The following VPS13D variants were observed in gnomAD, a reference collection of about 807,000 sequenced individuals.
VPS13D encodes the protein vacuolar protein sorting 13 homolog D.
A neutral mutation model predicts 461.9 loss-of-function variants in VPS13D; 187 were observed. That is an observed-to-expected ratio of 0.40 (90% CI 0.36 to 0.46). VPS13D has a LOEUF of 0.46. Among genes scored for constraint, VPS13D ranks in the 20% least tolerant of loss-of-function variants. The pLI, the probability that VPS13D is intolerant of heterozygous loss-of-function variation, is 0.60. For missense variants in VPS13D, 4,711 were observed against 5,364.9 expected (o/e 0.88, Z 3.81); for synonymous variants, 1,951 against 1,986.3 (o/e 0.98, Z 0.47).
At chr1:12,478,355 C>G (rs574553158) in intron 67 of VPS13D, among the ~76,000 whole-genome samples, 1 of 152,348 alleles carries the variant, frequency 6.6e-6, no homozygotes, top group East Asian at 1.9e-4. Context: ...TAATATGAGC[C>G]TTCGTGATGA....
chr1:12,297,041 T>C (rs1276564021), intron 24 of VPS13D, among the ~76,000 whole-genome samples: 1 of 152,252 alleles, frequency 6.6e-6, no homozygotes, highest in East Asian at 1.9e-4. Flanking sequence ...GAAGCTGATC[T>C]TCTCAAGAAT....
chr1:12,342,987 C>T lies in VPS13D; in HGVS notation c.8821C>T (p.Arg2941Ter). ...TGATACTCACAATGTTAGTGAATGG[C>T]GAGAAGTCCTTACAGGTGAAGAGAT... The part of the protein sequence containing the change: ...LDDTHNVSEW[R>*]EVLTGEEIPF... The change falls in exon 42 of 70, where the codon CGA becomes TGA. Residue 2941 changes from arginine to a stop codon, truncating the protein, a stop_gained. Transcript: ENST00000620676. LOFTEE classifies it high-confidence loss of function. 5 of 1,613,500 alleles carry T rather than the reference C, an allele frequency of 3.1e-6. No individual in the cohort carries two copies. The highest frequency in any genetic ancestry group is 4.2e-6 in the Non-Finnish European group (5 of 1,179,680).
chr1:12,314,750 C>T (rs1367368635), intron 30 of VPS13D, among the ~76,000 whole-genome samples: 1 of 152,158 alleles, frequency 6.6e-6, no homozygotes, highest in Non-Finnish European at 1.5e-5. Context: ...TCCATGTATA[C>T]ATAGTTTTTA....
In VPS13D at chr1:12,319,564, C is replaced by T. The variant is rs372623610; in HGVS notation, c.7482C>T (p.Thr2494=). The T allele has an allele frequency of 2.5e-6, 4 of 1,614,172 alleles. No individual in the cohort carries two copies. Among genetic ancestry groups the T allele is most frequent in the South Asian group, 2.2e-5 (2 of 91,084 alleles). Residue 2494 remains threonine, a synonymous_variant, in exon 32 of 70, where the codon ACC becomes ACT. Coordinates refer to ENST00000620676, the MANE Select transcript of VPS13D (RefSeq NM_015378.4). ...FDTNAIILKG[T]TVLTYKPRFV... is the part of the protein sequence containing the mutation. ...CCAATGCCATTATTCTGAAAGGCAC[C>T]ACAGTGCTCACCTATAAGCCCCGGT...
At chr1:12,442,585 C>CT (rs370449071) in intron 65 of VPS13D, among the ~76,000 whole-genome samples, 15,702 of 138,598 alleles carry the variant, frequency 0.11, 1,211 homozygotes, top group African/African-American at 0.21. Context: ...ATTTCCCTTA[C>CT]TTTTTTTTTT....
In VPS13D at chr1:12,362,740, C is replaced by T. The variant is rs1643969654; in HGVS notation, c.10162C>T (p.Arg3388Ter). 5.6e-6 allele frequency: 9 copies of T among 1,613,908 alleles called. No individual in the cohort carries two copies. The highest frequency in any genetic ancestry group is 7.6e-6 in the Non-Finnish European group (9 of 1,179,972). Reference protein sequence around the residue: ...YNIGIDVKKGRGRYIDTCMVI... With the variant: ...YNIGIDVKKG ...TGTAGGTATTGATGTCAAGAAAGGCCGAGGTCGATACATTGATACCTGCAT... is the reference window on the plus strand; with the variant it reads ...TGTAGGTATTGATGTCAAGAAAGGCTGAGGTCGATACATTGATACCTGCAT... Residue 3388 changes from arginine (R) to a stop codon, truncating the protein, a stop_gained, in exon 51 of 70, where the codon CGA (arginine) becomes TGA (stop). Coordinates refer to ENST00000620676, the MANE Select transcript of VPS13D (RefSeq NM_015378.4). LOFTEE classifies it high-confidence loss of function.
intron 50 of VPS13D, among the ~76,000 whole-genome samples, chr1:12,358,889 T>C (rs1643911733): frequency 6.6e-6 from 1 of 152,164 alleles, no homozygotes; most frequent in African/African-American, 2.4e-5. Context: ...TCCTTGTTTT[T>C]CGGGGGAATA....
chr1:12,286,816 G>A (rs1641987249), intron 21 of VPS13D, among the ~76,000 whole-genome samples: 1 of 152,148 alleles, frequency 6.6e-6, no homozygotes, highest in Admixed American at 6.5e-5. Context: ...TAGACCCAGT[G>A]TACATGTTCT....
At chr1:12,335,990 C>G (rs1307308396) in intron 39 of VPS13D, 163 bp downstream of exon 39, 29 of 958,480 alleles carry the variant, frequency 3.0e-5, no homozygotes, top group Non-Finnish European at 4.4e-5. Flanking sequence ...AGACAGTTTT[C>G]TGGCATGAAC....
At chr1:12,410,367 A>C (rs748931001) in intron 63 of VPS13D, among the ~76,000 whole-genome samples, 15 of 152,216 alleles carry the variant, frequency 9.9e-5, no homozygotes, top group South Asian at 2.1e-4. Flanking sequence ...ACTTAGATAA[A>C]GACTGAAACA....
intron 52 of VPS13D, among the ~76,000 whole-genome samples, chr1:12,366,599 G>A (rs1180044158): frequency 6.6e-6 from 1 of 152,166 alleles, no homozygotes; most frequent in Non-Finnish European, 1.5e-5. Flanking sequence ...GGAGGAGGAG[G>A]AGGATGATTT....
chr1:12,422,761 G>C (rs1644879134), intron 65 of VPS13D, among the ~76,000 whole-genome samples: 2 of 151,908 alleles, frequency 1.3e-5, no homozygotes, highest in Admixed American at 1.3e-4. Flanking sequence ...TCAGGAAACT[G>C]AGAGTTAGAG....
At chr1:12,333,963 G>T (rs898484634) in intron 38 of VPS13D, among the ~76,000 whole-genome samples, 1 of 152,322 alleles carries the variant, frequency 6.6e-6, no homozygotes, top group South Asian at 2.1e-4. Flanking sequence ...CAATCAAGTA[G>T]TGTGTACCTT....
intron 65 of VPS13D, among the ~76,000 whole-genome samples, chr1:12,445,923 T>C (rs1645186760): frequency 6.6e-6 from 1 of 152,220 alleles, no homozygotes; most frequent in African/African-American, 2.4e-5. Flanking sequence ...CTTACCCAGA[T>C]ACATGACACT....
intron 18 of VPS13D, among the ~76,000 whole-genome samples, chr1:12,274,866 A>G (rs570189972): frequency 1.3e-5 from 2 of 150,926 alleles, no homozygotes; most frequent in Non-Finnish European, 3.0e-5. Context: ...GGTGGATTAC[A>G]TGAGGTCAGG....
intron 64 of VPS13D, among the ~76,000 whole-genome samples, chr1:12,416,416 C>T (rs1266492206): frequency 6.6e-6 from 1 of 152,130 alleles, no homozygotes; most frequent in Non-Finnish European, 1.5e-5. Context: ...TATTTTTATT[C>T]TTCTAACTGG....
chr1:12,316,100 C>A (rs1642880080), intron 30 of VPS13D, among the ~76,000 whole-genome samples: 1 of 152,176 alleles, frequency 6.6e-6, no homozygotes, highest in Non-Finnish European at 1.5e-5. Context: ...CAGGTGTGAG[C>A]CACCGTGCCC....
rs1418728600 is a variant in VPS13D, at chr1:12,327,872, T to G, written c.8197+18T>G. 1.9e-6 allele frequency: 3 copies of G among 1,611,772 alleles called. No individual in the cohort carries two copies. The highest frequency in any genetic ancestry group is 1.7e-5 in the Admixed American group (1 of 59,808). On this transcript the variant is annotated intron_variant, in intron 36 of 69. Transcript: ENST00000620676. ...CTTTTCCCGTGAGTGTTGTACTGGT[T>G]TTCAGATTCATCTTGAATATTTCCA...
At chr1:12,506,726 A>C in intron 68 of VPS13D, 127 bp from the exon 69 acceptor site, 1 of 1,243,242 alleles carries the variant, frequency 8.0e-7, no homozygotes, top group Non-Finnish European at 1.1e-6. Flanking sequence ...AGGATTTAGA[A>C]GTATTTCCCG....
Sources: allele counts gnomAD v4.1 joint callset (sites outside exome capture counted in the v4.1 genomes callset), GRCh38; gene constraint gnomAD v4.1.1; transcripts MANE v1.5; gene names NCBI Gene and HGNC (gene_info 2026-07-23, HGNC 2026-07-21).